IRAK3: variants seen among roughly 807,000 people sequenced by gnomAD.
The protein encoded by IRAK3 is interleukin-1 receptor-associated kinase 3.
IRAK3 carries 57 observed loss-of-function variants against 56.6 expected under a neutral mutation model. That is an observed-to-expected ratio of 1.01 (90% CI 0.81 to 1.26). IRAK3 has a LOEUF of 1.26. IRAK3 is among the 50% of genes most tolerant of loss of function. The pLI is 0.00. For synonymous variants in IRAK3, 258 were observed against 255.7 expected, an observed-to-expected ratio of 1.01 and a Z score of -0.09; for missense variants, 703 against 719.0, an observed-to-expected ratio of 0.98 and a Z score of 0.25.
In IRAK3 at chr12:66,253,372, T is replaced by G. The variant is rs1201705724; in HGVS notation, c.*5201T>G. On this transcript the variant is annotated 3_prime_UTR_variant, in exon 12 of 12. Coordinates refer to ENST00000261233, the MANE Select transcript of IRAK3 (RefSeq NM_007199.3). The stretch of plus-strand genomic sequence containing the variant: ...ATATTCCCAAACCATGTCTAAGCAA[T>G]GAAAAACCAGTGTTCTGGCAGGAAA... 6.6e-6 allele frequency: 1 copy of G among 152,230 alleles called. No homozygotes were observed. Among genetic ancestry groups the G allele is most frequent in the Non-Finnish European group, 1.5e-5 (1 of 68,032 alleles). The allele number at this position is 152,230 out of a possible 1,614,324, so 9.4% of individuals were successfully genotyped here.
chr12:66,207,050 T>C lies in IRAK3; in HGVS notation c.317-2406T>C, dbSNP rs559977196. On this transcript the variant is annotated intron_variant, in intron 2 of 11. Coordinates refer to ENST00000261233, the MANE Select transcript of IRAK3 (RefSeq NM_007199.3). ...TATTTCTGTGAGGTCAGTATTGATGTCCCCCCTTTTATTCTTGATTTTAGT... is the reference window on the plus strand; with the variant it reads ...TATTTCTGTGAGGTCAGTATTGATGCCCCCCCTTTTATTCTTGATTTTAGT... 1.2e-4 allele frequency among the ~76,000 whole-genome samples: 19 copies of C among 152,348 alleles called. No homozygotes were observed. In the East Asian group the frequency reaches 3.1e-3, roughly 25 times the overall value.
intron 8 of IRAK3, among the ~76,000 whole-genome samples, chr12:66,240,634 CAT>C (rs1050418107): frequency 7.9e-5 from 12 of 152,004 alleles, no homozygotes; most frequent in African/African-American, 2.9e-4. Flanking sequence ...ACAGACAGCA[CAT>C]GTGTGCTGTT....
intron 8 of IRAK3, among the ~76,000 whole-genome samples, chr12:66,239,014 T>A (rs146217318): frequency 6.6e-6 from 1 of 152,350 alleles, no homozygotes; most frequent in Admixed American, 6.5e-5. Flanking sequence ...TAAACTTCCT[T>A]GTTATTTCCC....
intron 1 of IRAK3, among the ~76,000 whole-genome samples, chr12:66,198,837 C>T (rs1430578907): frequency 1.3e-5 from 2 of 150,880 alleles, no homozygotes; most frequent in African/African-American, 4.9e-5. Context: ...CTCACTGTAG[C>T]TTCAACCTCC....
chr12:66,234,367 AGGTTGC>A, intron 8 of IRAK3: 2 of 1,612,320 alleles, frequency 1.2e-6, no homozygotes, highest in Non-Finnish European at 1.7e-6. Context: ...TATATGGTTG[AGGTTGC>A]GTCCAAGAAG....
At chr12:66,208,562 A>G (rs2052580469) in intron 2 of IRAK3, among the ~76,000 whole-genome samples, 1 of 151,716 alleles carries the variant, frequency 6.6e-6, no homozygotes, top group African/African-American at 2.4e-5. Flanking sequence ...GGAGTTTGAG[A>G]CCAACCTGGC....
intron 1 of IRAK3, among the ~76,000 whole-genome samples, chr12:66,191,105 TGGA>T (rs537586324): frequency 2.4e-3 from 360 of 152,072 alleles, no homozygotes; most frequent in African/African-American, 8.1e-3. Flanking sequence ...AGACAGAGGA[TGGA>T]GGAGGGTGGG....
rs1044126384 is a variant in IRAK3, at chr12:66,250,693, G to A, written c.*2522G>A. ...TTAAGGAAGCTCTGATTAACACCAGGCCCATGCAGTTACTCCGCACATATA... is the reference window on the plus strand; with the variant it reads ...TTAAGGAAGCTCTGATTAACACCAGACCCATGCAGTTACTCCGCACATATA... On this transcript the variant is annotated 3_prime_UTR_variant, in exon 12 of 12. Coordinates refer to ENST00000261233, the MANE Select transcript of IRAK3 (RefSeq NM_007199.3). 6.6e-6 allele frequency: 1 copy of A among 152,216 alleles called. No homozygotes were observed. The highest frequency in any genetic ancestry group is 1.5e-5 in the Non-Finnish European group (1 of 68,054). The allele number at this position is 152,216 out of a possible 1,614,324, so 9.4% of individuals were successfully genotyped here.
intron 8 of IRAK3, chr12:66,234,341 C>T: frequency 6.2e-7 from 1 of 1,612,542 alleles, no homozygotes; most frequent in South Asian, 1.1e-5. Context: ...TAACACGGCA[C>T]CGGGGTGCTG....
chr12:66,198,158 C>T (rs2052472742), intron 1 of IRAK3: 2 of 944,378 alleles, frequency 2.1e-6, no homozygotes, highest in African/African-American at 3.5e-5. Context: ...ATCTTTGCAT[C>T]ACCTTCTCAG....
rs60115710 is a variant in IRAK3 at position 66,213,780 on chromosome 12, T to TA, written c.588+2201dup. On this transcript the variant is annotated intron_variant, in intron 5 of 11. Transcript: ENST00000261233. ...GCTCTAAAAAATAAAGTCTACTAAT[T>TA]AAAAAAAAAAAAAAAAAAGATAGCG... is the stretch of plus-strand genomic sequence containing the variant. Among the ~76,000 whole-genome samples, 466 of 116,194 alleles carry TA rather than the reference T, an allele frequency of 4.0e-3. 2 individuals are homozygous for TA. Among genetic ancestry groups the TA allele is most frequent in the East Asian group, 4.8e-3 (18 of 3,716 alleles). 76.2% of individuals were successfully genotyped at this position (116,194 alleles called of 152,430 possible).
chr12:66,238,771 C>G (rs996756273), intron 8 of IRAK3, among the ~76,000 whole-genome samples: 4 of 152,152 alleles, frequency 2.6e-5, no homozygotes, highest in African/African-American at 9.7e-5. Context: ...GTGTTTTCAA[C>G]AAGTCTGGGG....
In IRAK3 at chr12:66,245,234, G is replaced by A. The variant is rs140671957; in HGVS notation, c.1286G>A (p.Arg429Gln). 384 of 1,614,052 alleles carry A rather than the reference G, an allele frequency of 2.4e-4. No homozygotes were observed. The highest frequency in any genetic ancestry group is 2.9e-4 in the Non-Finnish European group (346 of 1,180,024). ...FCLAGRCAAT[R>Q]AKLRPSMDEV... ...TTGGCAGGCCGGTGTGCTGCAACGCGGGCAAAGTTAAGACCATCAATGGAT... is the reference window on the plus strand; with the variant it reads ...TTGGCAGGCCGGTGTGCTGCAACGCAGGCAAAGTTAAGACCATCAATGGAT... The change falls in exon 11 of 12, where the codon CGG becomes CAG. Residue 429 changes from arginine to glutamine, a missense_variant. By Grantham distance (43) the Arg-to-Gln change is conservative. Coordinates refer to ENST00000261233, the MANE Select transcript of IRAK3 (RefSeq NM_007199.3).
rs2052799796 is a variant in IRAK3, at chr12:66,227,594, TAAATAAATAAACAAAC to T, written c.769-654_769-639del. On this transcript the variant is annotated intron_variant, in intron 7 of 11. Coordinates refer to ENST00000261233, the MANE Select transcript of IRAK3 (RefSeq NM_007199.3). ...ACTCTGTCATAAATAAATAAATAAA[TAAATAAATAAACAAAC>T]AAACTGCTGGTCATGATGGCACATG... Among the ~76,000 whole-genome samples the T allele has an allele frequency of 6.9e-5, 8 of 116,350 alleles. No individual in the cohort carries two copies. The South Asian group carries it at 2.4e-3, about 35-fold the overall frequency. 76.3% of individuals were successfully genotyped at this position (116,350 alleles called of 152,430 possible).
chr12:66,242,578 A>G (rs1041703986), intron 8 of IRAK3, among the ~76,000 whole-genome samples: 1 of 152,174 alleles, frequency 6.6e-6, no homozygotes, highest in Non-Finnish European at 1.5e-5. Flanking sequence ...GGGAGAAGGC[A>G]AGGAGAGAAA....
Position 66,220,514 on chromosome 12 carries a change from CTTTTTTTTTT to C in IRAK3, c.653+3294_653+3303del, listed in dbSNP as rs1555203808. On this transcript the variant is annotated intron_variant, in intron 6 of 11. Transcript: ENST00000261233. ...AATGCCTCTGGCTTTGTTCTTCTTT[CTTTTTTTTTT>C]TTTTTTTTTTTTTTGAGACGGAGTC... Among the ~76,000 whole-genome samples, 3 of 67,352 alleles carry C rather than the reference CTTTTTTTTTT, an allele frequency of 4.5e-5. No homozygotes were observed. In the South Asian group the frequency reaches 1.7e-3, roughly 38 times the overall value. The allele number at this position is 67,352 out of a possible 152,430, so 44.2% of individuals were successfully genotyped here. A position where few individuals can be genotyped will look rare whatever the true frequency, so the allele number is the denominator to read the frequency against.
chr12:66,249,920 C>T lies in IRAK3; in HGVS notation c.*1749C>T, dbSNP rs1260539492. 6.6e-6 allele frequency: 1 copy of T among 152,166 alleles called. No homozygotes were observed. The highest frequency in any genetic ancestry group is 2.4e-5 in the African/African-American group (1 of 41,428). 9.4% of individuals were successfully genotyped at this position (152,166 alleles called of 1,614,324 possible). ...TTTCTCGTGTAAAGTAACATATTCA[C>T]AGGTTTCTGGAATTGGGACGTGGAC... On this transcript the variant is annotated 3_prime_UTR_variant, in exon 12 of 12. Coordinates refer to ENST00000261233, the MANE Select transcript of IRAK3 (RefSeq NM_007199.3).
intron 6 of IRAK3, among the ~76,000 whole-genome samples, chr12:66,225,372 T>C (rs1432346292): frequency 6.6e-6 from 1 of 151,452 alleles, no homozygotes; most frequent in Non-Finnish European, 1.5e-5. Flanking sequence ...ATGTGTATTG[T>C]GTGTGTGTGT....
At position 66,230,153 on chromosome 12, in the gene IRAK3, G is replaced by A. The variant is rs17180259; in HGVS notation, c.887+1783G>A. On this transcript the variant is annotated intron_variant, in intron 8 of 11. Coordinates refer to ENST00000261233, the MANE Select transcript of IRAK3 (RefSeq NM_007199.3). ...CCGTTCTTTTTCACAGCTGAAACTG[G>A]GCAAGGTGATTTGGATGTGCCTAAC... is the stretch of plus-strand genomic sequence containing the variant. Among the ~76,000 whole-genome samples the A allele has an allele frequency of 7.4e-3, 1,121 of 152,248 alleles. 2 individuals carry two copies. The highest frequency in any genetic ancestry group is 0.027 in the Middle Eastern group (8 of 292).
Sources: allele counts gnomAD v4.1 joint callset (sites outside exome capture counted in the v4.1 genomes callset), GRCh38; gene constraint gnomAD v4.1.1; transcripts MANE v1.5; gene names NCBI Gene and HGNC (gene_info 2026-07-23, HGNC 2026-07-21).